Variants in KLF12 observed in about 807,000 individuals in gnomAD.
The protein encoded by KLF12 is Krueppel-like factor 12.
Under a neutral mutation model 37.8 loss-of-function variants are expected in KLF12, and 9 were observed. The ratio of observed to expected loss-of-function variants is 0.24; its 90% CI spans 0.14 to 0.42. The LOEUF is 0.42. KLF12 is among the 10% of genes least tolerant of loss of function. KLF12 has a pLI of 1.00. For missense variants in KLF12, 411 were observed against 516.0 expected, an observed-to-expected ratio of 0.80 and a Z score of 1.97; for synonymous variants, 208 against 202.1, an observed-to-expected ratio of 1.03 and a Z score of -0.25.
chr13:74,140,369 A>C, the KLF12 span, among the ~76,000 whole-genome samples: 6 of 152,214 alleles, frequency 3.9e-5, no homozygotes, highest in Admixed American at 1.3e-4. Flanking sequence ...CCAAAAATAA[A>C]AAAAAATAAG....
At chr13:74,140,849 C>A in the KLF12 span, among the ~76,000 whole-genome samples, 2 of 152,100 alleles carry the variant, frequency 1.3e-5, no homozygotes. Context: ...ATCAGGAGAT[C>A]GAGACCATCC....
chr13:74,299,884 G>A, the KLF12 span, among the ~76,000 whole-genome samples: 1 of 152,144 alleles, frequency 6.6e-6, no homozygotes, highest in Non-Finnish European at 1.5e-5. Flanking sequence ...AGCAGTTCAG[G>A]AAAGGAGAAA....
chr13:74,276,100 G>A, the KLF12 span, among the ~76,000 whole-genome samples: 3 of 151,642 alleles, frequency 2.0e-5, no homozygotes. Context: ...CATGGATTAA[G>A]TATTTGTCCT....
intron 7 of KLF12, among the ~76,000 whole-genome samples, chr13:73,707,511 G>C (rs1213515848): frequency 1.3e-5 from 2 of 152,044 alleles, no homozygotes; most frequent in African/African-American, 2.4e-5. Context: ...TACGGGGAGA[G>C]GATTTTTCCT....
chr13:74,043,570 T>G (rs868396823), intron 1 of KLF12, among the ~76,000 whole-genome samples: 1 of 152,228 alleles, frequency 6.6e-6, no homozygotes, highest in Non-Finnish European at 1.5e-5. Flanking sequence ...TACAAATATC[T>G]TGGTCCTTGA....
At chr13:74,294,867 CT>C in the KLF12 span, among the ~76,000 whole-genome samples, 1 of 152,200 alleles carries the variant, frequency 6.6e-6, no homozygotes, top group African/African-American at 2.4e-5. Context: ...CAAGCCCCAG[CT>C]GCACCTCCCT....
At chr13:74,097,253 A>G (rs1876033463) in intron 1 of KLF12, among the ~76,000 whole-genome samples, 1 of 152,182 alleles carries the variant, frequency 6.6e-6, no homozygotes, top group Admixed American at 6.5e-5. Flanking sequence ...TAGAGGGGTT[A>G]CAAAGGGACA....
intron 3 of KLF12, 89 bp downstream of exon 3, chr13:73,943,892 T>C (rs903700359): frequency 4.3e-5 from 34 of 794,116 alleles, no homozygotes; most frequent in Admixed American, 1.8e-4. Context: ...AGGGAAACCG[T>C]AGAAGTGCTC....
chr13:73,931,144 C>A (rs1190268189), intron 3 of KLF12, among the ~76,000 whole-genome samples: 1 of 152,184 alleles, frequency 6.6e-6, no homozygotes, highest in Non-Finnish European at 1.5e-5. Flanking sequence ...AGGCATGAGC[C>A]ACTGCCCTAG....
rs368952332 is a variant in KLF12 at position 74,120,003 on chromosome 13, A to G, written c.-32+13736T>C. Among the ~76,000 whole-genome samples the G allele has an allele frequency of 1.6e-3, 237 of 152,332 alleles. 8 individuals carry two copies. In the South Asian group the frequency reaches 0.048, roughly 31 times the overall value. ...ATAGACAAAAAAAAAAAGAATTTCAAAAGATATCTTTTCAGAAGTATATAA... is the reference window on the plus strand; with the variant it reads ...ATAGACAAAAAAAAAAAGAATTTCAGAAGATATCTTTTCAGAAGTATATAA... On this transcript the variant is annotated intron_variant, in intron 1 of 7. Coordinates refer to ENST00000377669, the MANE Select transcript of KLF12 (RefSeq NM_007249.5).
rs542604703 is a variant in KLF12, at chr13:73,944,016, T to C, written c.88A>G (p.Arg30Gly). Residue 30 changes from arginine (R) to glycine (G), a missense_variant, in exon 3 of 8, where the codon AGA becomes GGA. Around this residue, in one of 2 missense-constraint regions of KLF12, gnomAD observed 351 missense variants for 397.8 expected, o/e 0.88. Coordinates refer to ENST00000377669, the MANE Select transcript of KLF12 (RefSeq NM_007249.5). ...GATTCCAAAAGCTCTGTTTTGACTC[T>C]GACTGCCGGCATCCCATCAAGCATT... The C allele has an allele frequency of 3.4e-4, 555 of 1,613,242 alleles. 9 individuals carry two copies. In the South Asian group the frequency reaches 5.9e-3, roughly 17 times the overall value.
intron 2 of KLF12, among the ~76,000 whole-genome samples, chr13:73,968,902 T>C: frequency 6.6e-6 from 1 of 151,926 alleles, no homozygotes; most frequent in East Asian, 1.9e-4. Context: ...CATCTCCAGC[T>C]CCCACCTCTC....
In KLF12 at chr13:73,694,328, A is replaced by G. The variant is rs1227605524; in HGVS notation, c.*1162T>C. 2.0e-5 allele frequency: 3 copies of G among 152,666 alleles called. No homozygotes were observed. Among genetic ancestry groups the G allele is most frequent in the Admixed American group, 1.3e-4 (2 of 15,286 alleles). The allele number at this position is 152,666 out of a possible 1,614,324, so 9.5% of individuals were successfully genotyped here. On this transcript the variant is annotated 3_prime_UTR_variant, in exon 8 of 8. Coordinates refer to ENST00000377669, the MANE Select transcript of KLF12 (RefSeq NM_007249.5). ...CTTTAATTGTGGTACTCAACCAAGCAGGACAACAAACAGCAGAAAGATTAC... is the reference window on the plus strand; with the variant it reads ...CTTTAATTGTGGTACTCAACCAAGCGGGACAACAAACAGCAGAAAGATTAC...
At chr13:74,130,645 CA>C (rs5804718) in intron 1 of KLF12, among the ~76,000 whole-genome samples, 99,419 of 131,438 alleles carry the variant, frequency 0.76, 37,026 homozygotes, top group East Asian at 0.93. Context: ...GACCTCAACT[CA>C]AAAAAAAAAA....
At position 74,088,290 on chromosome 13, in the gene KLF12, T is replaced by C. The variant is rs141235437; in HGVS notation, c.-32+45449A>G. Among the ~76,000 whole-genome samples, 495 of 152,026 alleles carry C rather than the reference T, an allele frequency of 3.3e-3. 5 individuals are homozygous for C. Among genetic ancestry groups the C allele is most frequent in the African/African-American group, 0.011 (474 of 41,488 alleles). Reference sequence around the variant, plus strand: ...CTATAGCTTTTTTTTTTTGAGACAGTCTTGCGCTGTTGCCCAGGCTGGAAT... The same window carrying C: ...CTATAGCTTTTTTTTTTTGAGACAGCCTTGCGCTGTTGCCCAGGCTGGAAT... On this transcript the variant is annotated intron_variant, in intron 1 of 7. Transcript: ENST00000377669.
chr13:74,200,687 C>G, the KLF12 span, among the ~76,000 whole-genome samples: 1 of 152,014 alleles, frequency 6.6e-6, no homozygotes, highest in Non-Finnish European at 1.5e-5. Context: ...ATCATCAGGA[C>G]TGGTTAATCT....
chr13:73,913,330 T>C (rs1319285931), intron 3 of KLF12, among the ~76,000 whole-genome samples: 1 of 152,180 alleles, frequency 6.6e-6, no homozygotes, highest in African/African-American at 2.4e-5. Context: ...CACATGTAAA[T>C]CTAGCAAAAA....
chr13:73,734,561 T>C (rs1281757650), intron 6 of KLF12, among the ~76,000 whole-genome samples: 1 of 152,036 alleles, frequency 6.6e-6, no homozygotes. Flanking sequence ...TCATAATAGA[T>C]GGCAAAAGAT....
At chr13:74,060,724 T>C (rs1334485228) in intron 1 of KLF12, among the ~76,000 whole-genome samples, 1 of 152,114 alleles carries the variant, frequency 6.6e-6, no homozygotes, top group Non-Finnish European at 1.5e-5. Flanking sequence ...ACAGAGATAA[T>C]TTTACTTCCT....
Sources: allele counts gnomAD v4.1 joint callset (sites outside exome capture counted in the v4.1 genomes callset), GRCh38; gene constraint gnomAD v4.1.1; regional missense constraint gnomAD v4.1.1; transcripts MANE v1.5; gene names NCBI Gene and HGNC (gene_info 2026-07-23, HGNC 2026-07-21).